SERPINA5: variants seen among roughly 807,000 people sequenced by gnomAD.
SERPINA5 encodes the protein plasma serine protease inhibitor.
A neutral mutation model predicts 25.3 loss-of-function variants in SERPINA5; 25 were observed. The observed-to-expected ratio is 0.99, with a 90% CI of 0.72 to 1.38. SERPINA5 has a LOEUF of 1.38. SERPINA5 is among the 40% of genes most tolerant of loss of function. The pLI, the probability that SERPINA5 is intolerant of heterozygous loss-of-function variation, is 0.00. For missense variants in SERPINA5, 599 were observed against 509.5 expected (o/e 1.18, Z -1.69); for synonymous variants, 234 against 206.2 (o/e 1.14, Z -1.16).
chr14:94,585,130 C>A (rs1386357128), intron 2 of SERPINA5, among the ~76,000 whole-genome samples: 1 of 152,172 alleles, frequency 6.6e-6, no homozygotes, highest in East Asian at 1.9e-4. Flanking sequence ...AGAGTGATAA[C>A]CGAGTCTGAG....
At chr14:94,590,938 T>C (rs960012961) in intron 5 of SERPINA5, 42 bp downstream of exon 5, 2 of 1,556,076 alleles carry the variant, frequency 1.3e-6, no homozygotes, top group South Asian at 1.2e-5. Flanking sequence ...CCAAGGTCTA[T>C]TCTGTTCTAT....
intron 3 of SERPINA5, among the ~76,000 whole-genome samples, chr14:94,589,639 A>C (rs891185828): frequency 6.6e-6 from 1 of 152,174 alleles, no homozygotes; most frequent in Non-Finnish European, 1.5e-5. Context: ...AATTTAAATC[A>C]AAATATTGGA....
Position 94,592,361 on chromosome 14 carries a change from C to A in SERPINA5, c.*122C>A. 1 of 938,214 alleles carries A rather than the reference C, an allele frequency of 1.1e-6. No individual in the cohort carries two copies. Among genetic ancestry groups the A allele is most frequent in the Non-Finnish European group, 1.6e-6 (1 of 621,328 alleles). 58.1% of individuals were successfully genotyped at this position (938,214 alleles called of 1,614,324 possible). ...GGTTTAGTTGACTAATGAGGCATTA[C>A]AAATAATATTACTCTATGATGATTG... On this transcript the variant is annotated 3_prime_UTR_variant, in exon 6 of 6. Coordinates refer to ENST00000329597, the MANE Select transcript of SERPINA5 (RefSeq NM_000624.6).
chr14:94,591,132 G>GTTCACTCTAT (rs1885270991), intron 5 of SERPINA5, among the ~76,000 whole-genome samples: 1 of 101,262 alleles, frequency 9.9e-6, no homozygotes, highest in African/African-American at 3.4e-5. Flanking sequence ...CTCCACTCCA[G>GTTCACTCTAT]TTCACTCTAT....
chr14:94,586,398 C>A (rs1297926169), intron 2 of SERPINA5, among the ~76,000 whole-genome samples: 7 of 152,160 alleles, frequency 4.6e-5, no homozygotes. Flanking sequence ...TTGTTCCTTC[C>A]AAGGCCCCTC....
rs1361663597 is a variant in SERPINA5 at position 94,592,164 on chromosome 14, A to C, written c.1146A>C (p.Leu382=). The C allele has an allele frequency of 8.7e-6, 14 of 1,614,190 alleles. No homozygotes were observed. Among genetic ancestry groups the C allele is most frequent in the Non-Finnish European group, 1.2e-5 (14 of 1,180,028 alleles). ...FRSARLNSQR[L]VFNRPFLMFI... is the part of the protein sequence containing the mutation. ...CGGCCCGCCTGAACTCTCAGAGGCT[A>C]GTGTTCAACAGGCCCTTTCTGATGT... Residue 382 remains leucine, a synonymous_variant, in exon 6 of 6, where the codon CTA becomes CTC. Coordinates refer to ENST00000329597, the MANE Select transcript of SERPINA5 (RefSeq NM_000624.6).
At chr14:94,586,399 A>G (rs913481962) in intron 2 of SERPINA5, among the ~76,000 whole-genome samples, 11 of 152,136 alleles carry the variant, frequency 7.2e-5, no homozygotes. Flanking sequence ...TGTTCCTTCC[A>G]AGGCCCCTCT....
Position 94,592,872 on chromosome 14 carries a change from C to A in SERPINA5, c.*633C>A, listed in dbSNP as rs769259350. The A allele has an allele frequency of 6.6e-6, 1 of 152,192 alleles. No individual in the cohort carries two copies. The highest frequency in any genetic ancestry group is 1.5e-5 in the Non-Finnish European group (1 of 68,064). 9.4% of individuals were successfully genotyped at this position (152,192 alleles called of 1,614,324 possible). On this transcript the variant is annotated 3_prime_UTR_variant, in exon 6 of 6. Coordinates refer to ENST00000329597, the MANE Select transcript of SERPINA5 (RefSeq NM_000624.6). ...AAAGGCTGGGGTGGGCCCTGTCATT[C>A]GTGGTTGATTTCAATACACTCAAGT...
rs1332088581 is a variant in SERPINA5, at chr14:94,587,871, A to G, written c.509A>G (p.Lys170Arg). The G allele has an allele frequency of 6.2e-7, 1 of 1,614,126 alleles. No homozygotes were observed. Among genetic ancestry groups the G allele is most frequent in the East Asian group, 2.2e-5 (1 of 44,886 alleles). Residue 170 changes from lysine to arginine, a missense_variant, in exon 3 of 6, where the codon AAG becomes AGG. Lys to Arg is a conservative substitution (Grantham distance 26, BLOSUM62 2). Transcript: ENST00000329597. Reference sequence around the variant, plus strand: ...TTTAGGGACTCTGCAGGGGCCATGAAGCAGATCAATGATTATGTGGCAAAG... The same window carrying G: ...TTTAGGGACTCTGCAGGGGCCATGAGGCAGATCAATGATTATGTGGCAAAG... ...TNFRDSAGAMKQINDYVAKQT... is the reference protein window; with the variant it reads ...TNFRDSAGAMRQINDYVAKQT...
chr14:94,583,585 C>T (rs1048457836), intron 2 of SERPINA5, among the ~76,000 whole-genome samples: 1 of 152,144 alleles, frequency 6.6e-6, no homozygotes, highest in Admixed American at 6.5e-5. Context: ...CAGCTGAGTC[C>T]AGGGTAGAAC....
chr14:94,591,231 ACTC>A (rs1369447770), intron 5 of SERPINA5, among the ~76,000 whole-genome samples: 69 of 93,020 alleles, frequency 7.4e-4, no homozygotes, highest in African/African-American at 2.8e-3. Flanking sequence ...CCTCCACTCC[ACTC>A]CTCCACTCCA....
intron 3 of SERPINA5, among the ~76,000 whole-genome samples, chr14:94,589,456 GA>G (rs1229507300): frequency 6.9e-6 from 1 of 144,194 alleles, no homozygotes; most frequent in Non-Finnish European, 1.5e-5. Context: ...TCAAAAAGAA[GA>G]AAAAAAGAAA....
intron 2 of SERPINA5, among the ~76,000 whole-genome samples, chr14:94,584,558 G>C (rs10131528): frequency 6.6e-6 from 1 of 151,938 alleles, no homozygotes; most frequent in Non-Finnish European, 1.5e-5. Context: ...GGCAGGGGGC[G>C]GGGTCTTGAG....
At chr14:94,590,378 C>T (rs1395534569) in intron 4 of SERPINA5, 67 bp downstream of exon 4, 3 of 1,508,592 alleles carry the variant, frequency 2.0e-6, no homozygotes, top group Non-Finnish European at 2.7e-6. Flanking sequence ...CACGCCCTAC[C>T]AGGGCCACAC....
In SERPINA5 at chr14:94,592,661, G is replaced by C. The variant is rs1352876733; in HGVS notation, c.*422G>C. 1 of 160,220 alleles carries C rather than the reference G, an allele frequency of 6.2e-6. No homozygotes were observed. Among genetic ancestry groups the C allele is most frequent in the Non-Finnish European group, 1.4e-5 (1 of 72,854 alleles). The allele number at this position is 160,220 out of a possible 1,614,324, so 9.9% of individuals were successfully genotyped here. On this transcript the variant is annotated 3_prime_UTR_variant, in exon 6 of 6. Transcript: ENST00000329597. ...AAGGCTGGTCCCACACTTATCAGCA[G>C]CAACAACTGTCAGTTCATCCTGCAT...
rs1260757807 is a variant in SERPINA5 at position 94,587,482 on chromosome 14, G to A, written c.120G>A (p.Val40=). 6.2e-7 allele frequency: 1 copy of A among 1,614,182 alleles called. No homozygotes were observed. Among genetic ancestry groups the A allele is most frequent in the South Asian group, 1.1e-5 (1 of 91,082 alleles). ...AGGACCTCCATGTAGGTGCCACGGT[G>A]GCCCCCAGCAGCAGAAGGGACTTTA... ...RVEDLHVGAT[V]APSSRRDFTF... The change falls in exon 3 of 6, where the codon GTG becomes GTA. Residue 40 remains valine, a synonymous_variant. Coordinates refer to ENST00000329597, the MANE Select transcript of SERPINA5 (RefSeq NM_000624.6).
chr14:94,590,592 A>G, intron 4 of SERPINA5, 157 bp from the exon 5 acceptor site: 1 of 900,648 alleles, frequency 1.1e-6, no homozygotes, highest in Non-Finnish European at 1.6e-6. Context: ...CCTAGAAAAG[A>G]GGCCAGAGGA....
chr14:94,590,353 C>A (rs754616651), intron 4 of SERPINA5, 42 bp downstream of exon 4: 5 of 1,540,672 alleles, frequency 3.2e-6, no homozygotes, highest in East Asian at 2.3e-5. Flanking sequence ...ACCCACACAG[C>A]CCCAGGGAGA....
chr14:94,589,826 G>T (rs960459665), intron 3 of SERPINA5, among the ~76,000 whole-genome samples: 1 of 152,070 alleles, frequency 6.6e-6, no homozygotes, highest in Admixed American at 6.6e-5. Flanking sequence ...TTGCAAATGT[G>T]GAAGGAAAAG....
Sources: gnomAD v4.1 joint callset for allele counts (sites outside exome capture counted in the v4.1 genomes callset) on GRCh38, gnomAD v4.1.1 for gene constraint, MANE v1.5 for transcripts, NCBI Gene and HGNC (gene_info 2026-07-23, HGNC 2026-07-21) for gene names.